The following SLC35F5 variants were observed in gnomAD, a reference collection of about 807,000 sequenced individuals.
SLC35F5 encodes the protein solute carrier family 35 member F5.
SLC35F5 carries 54 observed loss-of-function variants against 68.6 expected under a neutral mutation model. The observed-to-expected ratio is 0.79, with a 90% CI of 0.63 to 0.99. SLC35F5 has a LOEUF of 0.99. Ranked by LOEUF, SLC35F5 falls within the 50% of genes least tolerant of loss-of-function variation. The pLI is 0.00. For synonymous variants in SLC35F5, 211 were observed against 205.2 expected, an observed-to-expected ratio of 1.03 and a Z score of -0.24; for missense variants, 567 against 626.9, an observed-to-expected ratio of 0.90 and a Z score of 1.02.
At chr2:113,754,278 G>C (rs1005730906) in intron 3 of SLC35F5, among the ~76,000 whole-genome samples, 3 of 139,032 alleles carry the variant, frequency 2.2e-5, no homozygotes, top group African/African-American at 8.2e-5. Flanking sequence ...CGACAGAGCA[G>C]AGCAAGACTC....
rs1686940460 is a variant in SLC35F5, at chr2:113,710,151, G to A, written c.*5067C>T. 6.6e-6 allele frequency among the ~76,000 whole-genome samples: 1 copy of A among 152,114 alleles called. No homozygotes were observed. Among genetic ancestry groups the A allele is most frequent in the African/African-American group, 2.4e-5 (1 of 41,410 alleles). On this transcript the variant is annotated 3_prime_UTR_variant, in exon 16 of 16. Coordinates refer to ENST00000245680, the MANE Select transcript of SLC35F5 (RefSeq NM_025181.5). ...AATGTGTATTCAACAAGGCCTTCAG[G>A]TGATGCTGATGCTGTCTGAAAGCCA...
Position 113,720,569 on chromosome 2 carries a change from T to C in SLC35F5, c.1342-1261A>G, listed in dbSNP as rs558248640. Reference sequence around the variant, plus strand: ...CAGCCTAAGAAGACCCCGGAAAGAATAGTCATTAAACTGAAAAGCCTTCAT... The same window carrying C: ...CAGCCTAAGAAGACCCCGGAAAGAACAGTCATTAAACTGAAAAGCCTTCAT... On this transcript the variant is annotated intron_variant, in intron 13 of 15. Coordinates refer to ENST00000245680, the MANE Select transcript of SLC35F5 (RefSeq NM_025181.5). 3.9e-5 allele frequency among the ~76,000 whole-genome samples: 6 copies of C among 152,264 alleles called. 1 individual carries two copies. The South Asian group carries it at 1.0e-3, about 26-fold the overall frequency.
At position 113,755,539 on chromosome 2, in the gene SLC35F5, G is replaced by A. The variant is rs1318617672; in HGVS notation, c.46C>T (p.Leu16=). ...RHRGAGRPGV[L]SSSPPFRLRS... is the part of the protein sequence containing the mutation. ...AGTCTAAAAGGAGGTGAAGAACTCA[G>A]CACCCCTAAAAACAACCATGAAATT... is the stretch of plus-strand genomic sequence containing the variant. The change falls in exon 2 of 16, where the codon CTG becomes TTG. Residue 16 remains leucine (L), a synonymous_variant. Transcript: ENST00000245680. The A allele has an allele frequency of 6.2e-7, 1 of 1,613,372 alleles. No individual in the cohort carries two copies. Among genetic ancestry groups the A allele is most frequent in the East Asian group, 2.2e-5 (1 of 44,880 alleles).
Position 113,706,940 on chromosome 2 carries a change from A to T in SLC35F5, c.*8278T>A, listed in dbSNP as rs1686814777. 6.6e-6 allele frequency among the ~76,000 whole-genome samples: 1 copy of T among 152,174 alleles called. No homozygotes were observed. Among genetic ancestry groups the T allele is most frequent in the African/African-American group, 2.4e-5 (1 of 41,450 alleles). ...CCAAATTATATAGTTTAAAATACAC[A>T]ATGTTTCAAGTTGCAAGACAAAACC... On this transcript the variant is annotated 3_prime_UTR_variant, in exon 16 of 16. Coordinates refer to ENST00000245680, the MANE Select transcript of SLC35F5 (RefSeq NM_025181.5).
chr2:113,730,579 A>C (rs887436004), intron 10 of SLC35F5, among the ~76,000 whole-genome samples: 3 of 152,208 alleles, frequency 2.0e-5, no homozygotes, highest in African/African-American at 4.8e-5. Flanking sequence ...TATCTAAAGA[A>C]GTATTCAAAG....
At chr2:113,704,093 G>C (rs577563451), downstream of SLC35F5, 4 of 152,308 alleles carry the variant, frequency 2.6e-5, no homozygotes, top group Non-Finnish European at 4.4e-5. Context: ...TGGACCCAAA[G>C]AGTGAGCAGC....
rs1266230250 is a variant in SLC35F5 at position 113,719,234 on chromosome 2, G to A, written c.1416C>T (p.Cys472=). 1 of 1,603,904 alleles carries A rather than the reference G, an allele frequency of 6.2e-7. No homozygotes were observed. The highest frequency in any genetic ancestry group is 8.5e-7 in the Non-Finnish European group (1 of 1,177,870). ...TCACAGGATCCCAATTATTATAATG[G>A]CATAGGAGAGTTACAATAAAAAATG... ...FFSFFIVTLL[C]HYNNWDPVMV... The change falls in exon 14 of 16, where the codon TGC becomes TGT. Residue 472 remains cysteine, a synonymous_variant. Transcript: ENST00000245680.
In SLC35F5 at chr2:113,709,679, A is replaced by G. The variant is rs1686914680; in HGVS notation, c.*5539T>C. 6.6e-6 allele frequency among the ~76,000 whole-genome samples: 1 copy of G among 152,188 alleles called. No individual in the cohort carries two copies. Among genetic ancestry groups the G allele is most frequent in the African/African-American group, 2.4e-5 (1 of 41,446 alleles). The stretch of plus-strand genomic sequence containing the variant: ...GCTCTTCTCAGAGTAATAATCTGCA[A>G]AGTGTGGTCCTGGGACCAGCAGCTG... On this transcript the variant is annotated 3_prime_UTR_variant, in exon 16 of 16. Transcript: ENST00000245680.
downstream of SLC35F5, chr2:113,703,583 C>T (rs1209566415): frequency 6.6e-6 from 1 of 152,164 alleles, no homozygotes; most frequent in African/African-American, 2.4e-5. Flanking sequence ...CCCTCTGAGA[C>T]ATTTTGGCAG....
intron 15 of SLC35F5, 35 bp downstream of exon 15, chr2:113,717,718 C>A: frequency 7.5e-7 from 1 of 1,333,630 alleles, no homozygotes; most frequent in Admixed American, 2.1e-5. Flanking sequence ...CAGATAAGAA[C>A]CTTATTCAAT....
At chr2:113,702,846 C>T (rs1686722812), downstream of SLC35F5, among the ~76,000 whole-genome samples, 1 of 152,142 alleles carries the variant, frequency 6.6e-6, no homozygotes, top group African/African-American at 2.4e-5. Context: ...CGGTGGCTCA[C>T]ATCTGTAATC....
chr2:113,751,731 A>G (rs879835739), intron 3 of SLC35F5, among the ~76,000 whole-genome samples: 2 of 152,092 alleles, frequency 1.3e-5, no homozygotes, highest in Admixed American at 1.3e-4. Context: ...AATCACTTGA[A>G]CCCAGGAGTC....
intron 7 of SLC35F5, among the ~76,000 whole-genome samples, chr2:113,740,059 C>A (rs1246041292): frequency 6.6e-6 from 1 of 152,170 alleles, no homozygotes; most frequent in African/African-American, 2.4e-5. Context: ...ATTGGTCTTG[C>A]TGTTTTAGGT....
At chr2:113,704,155 G>C (rs1040266164), downstream of SLC35F5, 1 of 152,432 alleles carries the variant, frequency 6.6e-6, no homozygotes, top group Non-Finnish European at 1.5e-5. Flanking sequence ...AGCTCGGTAA[G>C]GGAACCCCAG....
Position 113,710,564 on chromosome 2 carries a change from T to C in SLC35F5, c.*4654A>G, listed in dbSNP as rs1415089031. Among the ~76,000 whole-genome samples, 3 of 152,002 alleles carry C rather than the reference T, an allele frequency of 2.0e-5. No homozygotes were observed. Among genetic ancestry groups the C allele is most frequent in the African/African-American group, 7.3e-5 (3 of 41,376 alleles). On this transcript the variant is annotated 3_prime_UTR_variant, in exon 16 of 16. Transcript: ENST00000245680. ...GGCCAACATGGTGAAACCCCATCTC[T>C]ACTAAAAACACAAAAATTAGGCAAT...
intron 13 of SLC35F5, among the ~76,000 whole-genome samples, chr2:113,719,887 AT>A (rs1230846834): frequency 6.6e-6 from 1 of 152,114 alleles, no homozygotes; most frequent in African/African-American, 2.4e-5. Context: ...AAAGAAAAAA[AT>A]ATAGAAATAT....
chr2:113,705,955 C>G, downstream of SLC35F5, among the ~76,000 whole-genome samples: 1 of 152,100 alleles, frequency 6.6e-6, no homozygotes, highest in East Asian at 1.9e-4. Context: ...GGAAGGGATT[C>G]GAAATACTAG....
chr2:113,724,754 T>C lies in SLC35F5; in HGVS notation c.1250+624A>G, dbSNP rs559649573. ...AAAAATAGGACTAAGTATAAAGCTC[T>C]GTTATTTGAAAGGTCTCTCAAACTC... On this transcript the variant is annotated intron_variant, in intron 12 of 15. Transcript: ENST00000245680. Among the ~76,000 whole-genome samples the C allele has an allele frequency of 1.8e-3, 273 of 152,316 alleles. 1 individual carries two copies. The highest frequency in any genetic ancestry group is 4.2e-3 in the African/African-American group (175 of 41,594).
intron 4 of SLC35F5, among the ~76,000 whole-genome samples, chr2:113,748,550 C>T (rs1043842307): frequency 1.2e-4 from 19 of 152,086 alleles, no homozygotes; most frequent in African/African-American, 4.3e-4. Context: ...GTGGTTATTC[C>T]TTGAATGGTA....
Sources: gnomAD v4.1 joint callset for allele counts (sites outside exome capture counted in the v4.1 genomes callset) on GRCh38, gnomAD v4.1.1 for gene constraint, MANE v1.5 for transcripts, NCBI Gene and HGNC (gene_info 2026-07-23, HGNC 2026-07-21) for gene names.